GADL1: variants seen among roughly 807,000 people sequenced by gnomAD.
The protein encoded by GADL1 is acidic amino acid decarboxylase GADL1.
A neutral mutation model predicts 69.5 loss-of-function variants in GADL1; 71 were observed. That is an observed-to-expected ratio of 1.02 (90% CI 0.84 to 1.25). The LOEUF (loss-of-function observed/expected upper bound fraction) is 1.25, where lower values mean the gene tolerates loss of function less well. Ranked by LOEUF, GADL1 falls within the 50% of genes most tolerant of loss-of-function variation. The probability of loss-of-function intolerance (pLI) is 0.00; values close to 1 mark genes in which losing one functional copy is unlikely to be tolerated. For synonymous variants in GADL1, 254 were observed against 214.4 expected (o/e 1.18, Z -1.62); for missense variants, 737 against 631.8 (o/e 1.17, Z -1.79).
chr3:30,765,755 GTCCC>G (rs1559492963), intron 14 of GADL1, among the ~76,000 whole-genome samples: 11 of 152,270 alleles, frequency 7.2e-5, no homozygotes, highest in African/African-American at 2.4e-4. Flanking sequence ...GTGACACATT[GTCCC>G]CACCTTCATC....
At chr3:30,790,709 TATC>T (rs1265169315) in intron 12 of GADL1, among the ~76,000 whole-genome samples, 1 of 152,178 alleles carries the variant, frequency 6.6e-6, no homozygotes, top group African/African-American at 2.4e-5. Flanking sequence ...AGAAAAAAGT[TATC>T]AATATCAAGG....
chr3:30,845,420 A>G (rs191473619), intron 6 of GADL1, among the ~76,000 whole-genome samples: 176 of 152,300 alleles, frequency 1.2e-3, no homozygotes, highest in African/African-American at 4.1e-3. Flanking sequence ...CCAAAAAAAA[A>G]TCTTAGTAAT....
intron 13 of GADL1, among the ~76,000 whole-genome samples, chr3:30,780,949 A>C (rs1009300921): frequency 3.3e-5 from 5 of 152,236 alleles, no homozygotes; most frequent in African/African-American, 4.8e-5. Flanking sequence ...TGTATTTTAC[A>C]TAATTCTTAA....
At chr3:30,826,432 T>C (rs1215948023) in intron 11 of GADL1, among the ~76,000 whole-genome samples, 1 of 145,620 alleles carries the variant, frequency 6.9e-6, no homozygotes, top group Non-Finnish European at 1.5e-5. Flanking sequence ...GGAAGGGCAT[T>C]AGAGAGATAT....
At chr3:30,767,348 G>C (rs1184156981) in intron 14 of GADL1, among the ~76,000 whole-genome samples, 2 of 152,130 alleles carry the variant, frequency 1.3e-5, no homozygotes, top group African/African-American at 4.8e-5. Context: ...GGAGGATAGA[G>C]TATTAGCAGA....
At chr3:30,751,913 C>G (rs7640461) in intron 14 of GADL1, among the ~76,000 whole-genome samples, 3 of 152,052 alleles carry the variant, frequency 2.0e-5, no homozygotes, top group Admixed American at 6.5e-5. Context: ...TGTTTCTCTC[C>G]CCAATATCCC....
chr3:30,877,615 C>T (rs1698594778), intron 1 of GADL1, among the ~76,000 whole-genome samples: 2 of 151,860 alleles, frequency 1.3e-5, no homozygotes, highest in South Asian at 2.1e-4. Context: ...TCAGATACAT[C>T]ATAAAATACC....
intron 11 of GADL1, among the ~76,000 whole-genome samples, chr3:30,818,043 T>C (rs1559508183): frequency 6.6e-6 from 1 of 152,176 alleles, no homozygotes; most frequent in African/African-American, 2.4e-5. Flanking sequence ...ACATGGAAGA[T>C]ATTCATTGTA....
chr3:30,766,852 G>T (rs1696293424), intron 14 of GADL1, among the ~76,000 whole-genome samples: 1 of 149,388 alleles, frequency 6.7e-6, no homozygotes, highest in Non-Finnish European at 1.5e-5. Context: ...GACAAGGGGG[G>T]AAACATGAGT....
chr3:30,757,029 C>T (rs1281073398), intron 14 of GADL1, among the ~76,000 whole-genome samples: 1 of 152,116 alleles, frequency 6.6e-6, no homozygotes, highest in African/African-American at 2.4e-5. Context: ...CAGCATTACC[C>T]CTCAGCTTCC....
intron 1 of GADL1, among the ~76,000 whole-genome samples, chr3:30,862,409 A>G (rs1465420100): frequency 1.3e-5 from 2 of 151,990 alleles, no homozygotes; most frequent in African/African-American, 4.8e-5. Flanking sequence ...ATAATACAAT[A>G]TCATACAATA....
At chr3:30,788,713 A>G (rs572057807) in intron 12 of GADL1, among the ~76,000 whole-genome samples, 2 of 152,328 alleles carry the variant, frequency 1.3e-5, no homozygotes, top group East Asian at 1.9e-4. Context: ...AACTAAGTTT[A>G]TGTAATATTC....
At chr3:30,805,993 C>T (rs540538714) in intron 11 of GADL1, among the ~76,000 whole-genome samples, 13 of 152,062 alleles carry the variant, frequency 8.5e-5, no homozygotes, top group African/African-American at 2.4e-4. Flanking sequence ...AATGCTTGCT[C>T]ACCTACCACT....
At chr3:30,868,269 T>C (rs1698432389) in intron 1 of GADL1, among the ~76,000 whole-genome samples, 1 of 152,104 alleles carries the variant, frequency 6.6e-6, no homozygotes, top group Admixed American at 6.6e-5. Context: ...TGGTTTCCGA[T>C]AGTCCGTGGT....
At chr3:30,733,854 T>C (rs778033627) in intron 14 of GADL1, among the ~76,000 whole-genome samples, 1 of 152,162 alleles carries the variant, frequency 6.6e-6, no homozygotes, top group East Asian at 1.9e-4. Context: ...AGTATTAACA[T>C]GTCAAGACAA....
At chr3:30,801,504 C>A (rs568132132) in intron 11 of GADL1, among the ~76,000 whole-genome samples, 92 of 151,806 alleles carry the variant, frequency 6.1e-4, no homozygotes, top group Non-Finnish European at 1.1e-3. Flanking sequence ...GGTTTTAAGA[C>A]CTTCTCTCCT....
intron 11 of GADL1, among the ~76,000 whole-genome samples, chr3:30,830,563 C>A (rs1388431268): frequency 2.0e-5 from 3 of 151,908 alleles, no homozygotes; most frequent in Middle Eastern, 6.8e-3. Flanking sequence ...ATGGGGAATC[C>A]TTCCTCCTCT....
chr3:30,814,498 CTA>C (rs1235330339), intron 11 of GADL1, among the ~76,000 whole-genome samples: 2 of 152,152 alleles, frequency 1.3e-5, no homozygotes, highest in Non-Finnish European at 2.9e-5. Context: ...CCACTGAACT[CTA>C]TGGTTGTAGC....
At chr3:30,800,792 T>A (rs1011794610) in intron 12 of GADL1, 97 bp downstream of exon 12, 2 of 1,010,742 alleles carry the variant, frequency 2.0e-6, no homozygotes, top group Non-Finnish European at 3.0e-6. Context: ...GTCTTCCTAT[T>A]ACAGACACAG....
Sources: gnomAD v4.1 joint callset for allele counts (sites outside exome capture counted in the v4.1 genomes callset) on GRCh38, gnomAD v4.1.1 for gene constraint, MANE v1.5 for transcripts, NCBI Gene and HGNC (gene_info 2026-07-23, HGNC 2026-07-21) for gene names.